The following CHRM3 variants were observed in gnomAD, a reference collection of about 807,000 sequenced individuals.
CHRM3 encodes the protein cholinergic receptor muscarinic 3.
CHRM3 carries 11 observed loss-of-function variants against 41.8 expected under a neutral mutation model. The ratio of observed to expected loss-of-function variants is 0.26; its 90% CI spans 0.17 to 0.44. The LOEUF (loss-of-function observed/expected upper bound fraction) is 0.44, where lower values mean the gene tolerates loss of function less well. Among genes scored for constraint, CHRM3 ranks in the 20% least tolerant of loss-of-function variants. The pLI is 1.00. For synonymous variants in CHRM3, 297 were observed against 301.4 expected (o/e 0.99, Z 0.15); for missense variants, 571 against 745.4 (o/e 0.77, Z 2.72).
intron 6 of CHRM3, among the ~76,000 whole-genome samples, chr1:239,848,847 A>T (rs779776657): frequency 6.6e-6 from 1 of 152,226 alleles, no homozygotes; most frequent in Non-Finnish European, 1.5e-5. Context: ...TAACTATGGT[A>T]TAAACGTGTC....
chr1:239,735,101 C>T (rs1664287002), intron 5 of CHRM3, among the ~76,000 whole-genome samples: 2 of 152,058 alleles, frequency 1.3e-5, no homozygotes, highest in Non-Finnish European at 2.9e-5. Context: ...TGCTCAGAGT[C>T]AGAAAGAGAA....
intron 5 of CHRM3, among the ~76,000 whole-genome samples, chr1:239,755,707 T>C (rs1666185357): frequency 6.6e-6 from 1 of 152,232 alleles, no homozygotes; most frequent in Non-Finnish European, 1.5e-5. Flanking sequence ...TGAAGCACTG[T>C]TGGTTCCCAG....
chr1:239,664,252 A>G (rs536679153), intron 4 of CHRM3, among the ~76,000 whole-genome samples: 6 of 152,304 alleles, frequency 3.9e-5, no homozygotes, highest in East Asian at 1.9e-4. Flanking sequence ...ATCCAGCTCT[A>G]TGAGTGCATG....
chr1:239,730,725 T>G (rs2148418276), intron 5 of CHRM3, among the ~76,000 whole-genome samples: 1 of 152,056 alleles, frequency 6.6e-6, no homozygotes, highest in Admixed American at 6.6e-5. Flanking sequence ...CACAGGGTCC[T>G]GACAGTGGGG....
chr1:239,712,715 C>A (rs1208281556), intron 5 of CHRM3, among the ~76,000 whole-genome samples: 1 of 152,064 alleles, frequency 6.6e-6, no homozygotes, highest in Non-Finnish European at 1.5e-5. Flanking sequence ...ATTTTGTAAA[C>A]CCCAAAGCAC....
chr1:239,490,256 T>G (rs533291821), intron 1 of CHRM3, among the ~76,000 whole-genome samples: 5 of 152,352 alleles, frequency 3.3e-5, no homozygotes, highest in African/African-American at 1.2e-4. Flanking sequence ...GAATGTCTTA[T>G]GTACATGTGG....
rs141715195 is a variant in CHRM3 at position 239,782,211 on chromosome 1, G to A, written c.-146-45041G>A. Among the ~76,000 whole-genome samples, 7 of 149,726 alleles carry A rather than the reference G, an allele frequency of 4.7e-5. No individual in the cohort carries two copies. In the East Asian group the frequency reaches 1.2e-3, roughly 26 times the overall value. ...GTAATTTTTCTTTAAATATTTGGTA[G>A]CATTTACCAGTGAACCCATCTGGGA... On this transcript the variant is annotated intron_variant, in intron 5 of 6. Transcript: ENST00000676153.
intron 5 of CHRM3, among the ~76,000 whole-genome samples, chr1:239,739,954 G>A (rs540993578): frequency 6.6e-6 from 1 of 152,202 alleles, no homozygotes; most frequent in East Asian, 1.9e-4. Flanking sequence ...GGAGATGTGT[G>A]TTTGTATGGG....
At chr1:239,525,087 G>T (rs1782355) in intron 2 of CHRM3, among the ~76,000 whole-genome samples, 70,179 of 151,982 alleles carry the variant, frequency 0.46, 16,997 homozygotes, top group Middle Eastern at 0.63. Flanking sequence ...CCATGGCAGG[G>T]CACAGTGGTT....
chr1:239,823,119 T>A (rs1672184719), intron 5 of CHRM3, among the ~76,000 whole-genome samples: 1 of 152,230 alleles, frequency 6.6e-6, no homozygotes, highest in South Asian at 2.1e-4. Flanking sequence ...TCCTCGCACA[T>A]AACCTAATAA....
intron 4 of CHRM3, among the ~76,000 whole-genome samples, chr1:239,671,955 A>C (rs1459130129): frequency 6.6e-6 from 1 of 152,176 alleles, no homozygotes; most frequent in Non-Finnish European, 1.5e-5. Flanking sequence ...TCTGCAAAAC[A>C]AGAATGACAG....
At chr1:239,707,780 T>C (rs1661339040) in intron 5 of CHRM3, 1 of 152,196 alleles carries the variant, frequency 6.6e-6, no homozygotes, top group Admixed American at 6.5e-5. Flanking sequence ...AAAACAATAA[T>C]TAAATACCTT....
chr1:239,835,248 G>T (rs933584955), intron 6 of CHRM3, among the ~76,000 whole-genome samples: 2 of 152,206 alleles, frequency 1.3e-5, no homozygotes, highest in African/African-American at 4.8e-5. Context: ...GTGCCAGCAT[G>T]ATTTTATACC....
At chr1:239,650,671 G>T (rs576221322) in intron 4 of CHRM3, among the ~76,000 whole-genome samples, 1 of 152,146 alleles carries the variant, frequency 6.6e-6, no homozygotes, top group Non-Finnish European at 1.5e-5. Context: ...TAATAAAAAT[G>T]GATTCATTTT....
At chr1:239,503,470 A>G (rs1668373750) in intron 2 of CHRM3, among the ~76,000 whole-genome samples, 1 of 152,200 alleles carries the variant, frequency 6.6e-6, no homozygotes, top group Non-Finnish European at 1.5e-5. Flanking sequence ...ATATTGTGAA[A>G]GCAACCATAC....
chr1:239,586,947 G>T (rs1663475430), intron 3 of CHRM3, among the ~76,000 whole-genome samples: 1 of 152,134 alleles, frequency 6.6e-6, no homozygotes, highest in African/African-American at 2.4e-5. Flanking sequence ...CAAAATACAG[G>T]TCTTTTGGAT....
At chr1:239,548,168 T>C (rs1659470974) in intron 3 of CHRM3, among the ~76,000 whole-genome samples, 1 of 152,202 alleles carries the variant, frequency 6.6e-6, no homozygotes, top group Non-Finnish European at 1.5e-5. Context: ...CAAAATTCAG[T>C]GGTTTTAGTG....
chr1:239,394,176 G>A (rs762031109), intron 1 of CHRM3, among the ~76,000 whole-genome samples: 2 of 152,196 alleles, frequency 1.3e-5, no homozygotes, highest in Non-Finnish European at 2.9e-5. Context: ...TTTTAAAACA[G>A]AAGTTTATTC....
chr1:239,462,550 G>T (rs1181694906), intron 1 of CHRM3, among the ~76,000 whole-genome samples: 1 of 152,132 alleles, frequency 6.6e-6, no homozygotes, highest in Non-Finnish European at 1.5e-5. Flanking sequence ...GCTGCCTGCA[G>T]GGTACGTGTA....
Sources: gnomAD v4.1 joint callset for allele counts (sites outside exome capture counted in the v4.1 genomes callset) on GRCh38, gnomAD v4.1.1 for gene constraint, MANE v1.5 for transcripts, NCBI Gene and HGNC (gene_info 2026-07-23, HGNC 2026-07-21) for gene names.